LRRC20: variants seen among roughly 807,000 people sequenced by gnomAD.
The protein encoded by LRRC20 is leucine-rich repeat-containing protein 20.
LRRC20 carries 11 observed loss-of-function variants against 14.4 expected under a neutral mutation model. That is an observed-to-expected ratio of 0.77 (90% CI 0.48 to 1.27). The LOEUF (loss-of-function observed/expected upper bound fraction) is 1.27. Among genes scored for constraint, LRRC20 ranks in the 50% most tolerant of loss-of-function variants. LRRC20 has a pLI of 0.00. For synonymous variants in LRRC20, 121 were observed against 107.3 expected, an observed-to-expected ratio of 1.13 and a Z score of -0.79; for missense variants, 219 against 251.2, an observed-to-expected ratio of 0.87 and a Z score of 0.87.
intron 1 of LRRC20, among the ~76,000 whole-genome samples, chr10:70,378,484 AAT>A (rs1244131072): frequency 7.8e-6 from 1 of 129,004 alleles, no homozygotes; most frequent in African/African-American, 3.4e-5. Flanking sequence ...CTCTACTAAA[AAT>A]ACAAAAAAAA....
chr10:70,365,755 T>G (rs1249750931), intron 2 of LRRC20, among the ~76,000 whole-genome samples: 3 of 151,684 alleles, frequency 2.0e-5, no homozygotes, highest in Non-Finnish European at 4.4e-5. Flanking sequence ...GGGCAAAAGA[T>G]TCGAATAGAG....
intron 1 of LRRC20, among the ~76,000 whole-genome samples, chr10:70,382,218 G>T (rs1005534815): frequency 1.3e-5 from 2 of 152,220 alleles, no homozygotes; most frequent in Non-Finnish European, 2.9e-5. Context: ...GGCGCCTCCC[G>T]CGAGGAATGG....
intron 4 of LRRC20, among the ~76,000 whole-genome samples, chr10:70,305,458 T>C (rs1841385389): frequency 6.6e-6 from 1 of 152,224 alleles, no homozygotes; most frequent in African/African-American, 2.4e-5. Flanking sequence ...CTTGTGCCCC[T>C]TTCCAGTTTA....
At chr10:70,319,290 G>A (rs989766249) in intron 4 of LRRC20, among the ~76,000 whole-genome samples, 3 of 151,998 alleles carry the variant, frequency 2.0e-5, no homozygotes, top group Admixed American at 6.6e-5. Flanking sequence ...AATATGTGAC[G>A]TTTGTCTTCA....
rs1353108281 is a variant in LRRC20 at position 70,313,561 on chromosome 10, G to A, written c.400+10302C>T. 2.0e-5 allele frequency among the ~76,000 whole-genome samples: 3 copies of A among 152,302 alleles called. No individual in the cohort carries two copies. In the East Asian group the frequency reaches 5.8e-4, roughly 29 times the overall value. On this transcript the variant is annotated intron_variant, in intron 4 of 4. Coordinates refer to ENST00000446961, the MANE Select transcript of LRRC20 (RefSeq NM_001278212.2). Reference sequence around the variant, plus strand: ...CATCTTGCTTCTAGCCTCACAAGCTGTCCTTGATGATTCTTGAGCATAAGC... The same window carrying A: ...CATCTTGCTTCTAGCCTCACAAGCTATCCTTGATGATTCTTGAGCATAAGC...
chr10:70,373,848 G>C (rs1844400085), intron 2 of LRRC20, among the ~76,000 whole-genome samples: 1 of 152,228 alleles, frequency 6.6e-6, no homozygotes, highest in Non-Finnish European at 1.5e-5. Flanking sequence ...TGGTCTGGCA[G>C]GGTGGCCAGA....
chr10:70,346,894 C>T (rs549938031), intron 2 of LRRC20, among the ~76,000 whole-genome samples: 1 of 152,182 alleles, frequency 6.6e-6, no homozygotes, highest in East Asian at 1.9e-4. Flanking sequence ...ATAAAATTAG[C>T]TATTTTTCTG....
chr10:70,330,481 G>A (rs1842496434), intron 3 of LRRC20, among the ~76,000 whole-genome samples: 1 of 152,170 alleles, frequency 6.6e-6, no homozygotes, highest in Non-Finnish European at 1.5e-5. Context: ...GGAGGGCAAA[G>A]ACAGCAGGTT....
At chr10:70,305,743 A>ATTTT (rs34994675) in intron 4 of LRRC20, among the ~76,000 whole-genome samples, 2 of 144,744 alleles carry the variant, frequency 1.4e-5, no homozygotes, top group Non-Finnish European at 3.0e-5. Flanking sequence ...AGATTTGCCA[A>ATTTT]TTTTTTTTTT....
Position 70,306,807 on chromosome 10 carries a change from T to C in LRRC20, c.401-5299A>G, listed in dbSNP as rs1189454426. Among the ~76,000 whole-genome samples the C allele has an allele frequency of 2.0e-5, 3 of 152,236 alleles. No homozygotes were observed. In the East Asian group the frequency reaches 5.8e-4, roughly 29 times the overall value. Reference sequence around the variant, plus strand: ...ATCCACTAAAGATTCTTACCTGACCTGATCTTTATGATGGCTGCAAAATGA... The same window carrying C: ...ATCCACTAAAGATTCTTACCTGACCCGATCTTTATGATGGCTGCAAAATGA... On this transcript the variant is annotated intron_variant, in intron 4 of 4. Transcript: ENST00000446961.
At chr10:70,305,972 C>T (rs1369925182) in intron 4 of LRRC20, among the ~76,000 whole-genome samples, 2 of 152,180 alleles carry the variant, frequency 1.3e-5, no homozygotes, top group Non-Finnish European at 2.9e-5. Flanking sequence ...AATCTCCTGA[C>T]CTTGTGATCT....
Position 70,374,351 on chromosome 10 carries a change from C to CTTTTT in LRRC20, c.82+2096_82+2100dup, listed in dbSNP as rs57167315. On this transcript the variant is annotated intron_variant, in intron 2 of 4. Coordinates refer to ENST00000446961, the MANE Select transcript of LRRC20 (RefSeq NM_001278212.2). ...GCTGTGTCCCTATCCCCTGTGAAGC[C>CTTTTT]TTTTTTTTTTTTTTTTGAGATGGAA... Among the ~76,000 whole-genome samples, 12 of 133,186 alleles carry CTTTTT rather than the reference C, an allele frequency of 9.0e-5. 6 individuals carry two copies. Among genetic ancestry groups the CTTTTT allele is most frequent in the Non-Finnish European group, 9.7e-5 (6 of 61,754 alleles). The allele number at this position is 133,186 out of a possible 152,430, so 87.4% of individuals were successfully genotyped here.
intron 4 of LRRC20, among the ~76,000 whole-genome samples, chr10:70,304,917 G>A (rs1000148166): frequency 2.6e-5 from 4 of 152,182 alleles, no homozygotes; most frequent in Middle Eastern, 3.2e-3. Flanking sequence ...AGCCACGGTG[G>A]CTCACACCGG....
At chr10:70,327,548 T>C (rs890577103) in intron 3 of LRRC20, among the ~76,000 whole-genome samples, 27 of 150,494 alleles carry the variant, frequency 1.8e-4, no homozygotes, top group Middle Eastern at 3.4e-3. Flanking sequence ...ACCACTGCAC[T>C]CCAGCCTGGG....
intron 3 of LRRC20, among the ~76,000 whole-genome samples, chr10:70,334,136 C>T (rs1049497046): frequency 6.0e-5 from 9 of 149,060 alleles, no homozygotes; most frequent in Admixed American, 4.7e-4. Context: ...GGTGACACAG[C>T]GAGACTCCAT....
chr10:70,354,873 G>A (rs149616238), intron 2 of LRRC20, among the ~76,000 whole-genome samples: 378 of 152,304 alleles, frequency 2.5e-3, no homozygotes, highest in Middle Eastern at 0.01. Flanking sequence ...GCCCTGGGCT[G>A]TAACTCAGGA....
rs200403743 is a variant in LRRC20 at position 70,376,552 on chromosome 10, C to A, written c.-19G>T. ...TCAGCATGCAGACACAGGTGTCCTGCCGCCAGCCCCCAGGCTGGTCTGCTT... is the reference window on the plus strand; with the variant it reads ...TCAGCATGCAGACACAGGTGTCCTGACGCCAGCCCCCAGGCTGGTCTGCTT... On this transcript the variant is annotated 5_prime_UTR_variant, in exon 2 of 5. Transcript: ENST00000446961. 1.2e-4 allele frequency: 191 copies of A among 1,611,030 alleles called. No individual in the cohort carries two copies. Among genetic ancestry groups the A allele is most frequent in the Non-Finnish European group, 1.3e-4 (149 of 1,179,180 alleles).
chr10:70,302,407 T>C (rs1481836459), intron 4 of LRRC20, among the ~76,000 whole-genome samples: 5 of 152,070 alleles, frequency 3.3e-5, no homozygotes, highest in Non-Finnish European at 5.9e-5. Flanking sequence ...CATAGAGTAG[T>C]TGAATTCATA....
chr10:70,329,300 A>T (rs1842444435), intron 3 of LRRC20, among the ~76,000 whole-genome samples: 1 of 152,224 alleles, frequency 6.6e-6, no homozygotes, highest in South Asian at 2.1e-4. Flanking sequence ...TTCGGCAAAA[A>T]GCCCAGGGAA....
Sources: allele counts gnomAD v4.1 joint callset (sites outside exome capture counted in the v4.1 genomes callset), GRCh38; gene constraint gnomAD v4.1.1; transcripts MANE v1.5; gene names NCBI Gene and HGNC (gene_info 2026-07-23, HGNC 2026-07-21).